Variants in NUP98 observed in about 807,000 individuals in gnomAD.
NUP98 encodes nucleoporin 98 and 96 precursor, also known as nuclear pore complex protein Nup98-Nup96.
NUP98 carries 26 observed loss-of-function variants against 191.9 expected under a neutral mutation model. That is an observed-to-expected ratio of 0.14 (90% CI 0.10 to 0.19). The LOEUF (loss-of-function observed/expected upper bound fraction) is 0.19. Among genes scored for constraint, NUP98 ranks in the 10% least tolerant of loss-of-function variants. The probability of loss-of-function intolerance (pLI) is 1.00; values close to 1 mark genes in which losing one functional copy is unlikely to be tolerated. For synonymous variants in NUP98, 808 were observed against 778.4 expected (o/e 1.04, Z -0.63); for missense variants, 1,941 against 2,178.8 (o/e 0.89, Z 2.17).
chr11:3,732,893 C>T (rs780211592), intron 13 of NUP98, among the ~76,000 whole-genome samples: 1 of 152,206 alleles, frequency 6.6e-6, no homozygotes, highest in Non-Finnish European at 1.5e-5. Flanking sequence ...TGATCTTTCA[C>T]AATTCTTTGG....
chr11:3,712,817 AAAAG>A (rs2079060472), intron 19 of NUP98, 89 bp from the exon 20 acceptor site: 15 of 1,308,904 alleles, frequency 1.1e-5, no homozygotes, highest in Admixed American at 6.8e-5. Flanking sequence ...ACCTTAAGAA[AAAAG>A]AAAGAAAAGG....
At chr11:3,726,559 C>T (rs1589817841) in intron 14 of NUP98, among the ~76,000 whole-genome samples, 1 of 144,738 alleles carries the variant, frequency 6.9e-6, no homozygotes, top group South Asian at 2.2e-4. Context: ...TATTTTTAAA[C>T]AACTTTATGC....
intron 13 of NUP98, 82 bp downstream of exon 13, chr11:3,735,108 AT>A (rs993578504): frequency 1.4e-5 from 18 of 1,310,980 alleles, no homozygotes; most frequent in Middle Eastern, 2.8e-4. Flanking sequence ...ATCCCTTAAT[AT>A]ATACAGGCAA....
At chr11:3,702,313 ACTCTCTCTCTCTCTCTCTCTCT>A (rs71041375) in intron 23 of NUP98, 128 bp downstream of exon 23, 17,140 of 339,662 alleles carry the variant, frequency 0.05, 238 homozygotes, top group Middle Eastern at 0.081. Flanking sequence ...ACACACACAC[ACTCTCTCTCTCTCTCTCTCTCT>A]CTCTCTCTCT....
At position 3,797,010 on chromosome 11, in the gene NUP98, C is replaced by T. The variant is rs7112155; in HGVS notation, c.-29+390G>A. The stretch of plus-strand genomic sequence containing the variant: ...TGGAGAAGCCAAGGCAAATAAAGCC[C>T]AGTCCCACATGACGGTCAAGGAAGT... On this transcript the variant is annotated intron_variant, in intron 1 of 32. Coordinates refer to ENST00000324932, the MANE Select transcript of NUP98 (RefSeq NM_016320.5). 6.0e-3 allele frequency among the ~76,000 whole-genome samples: 914 copies of T among 152,372 alleles called. 10 individuals are homozygous for T. Among genetic ancestry groups the T allele is most frequent in the African/African-American group, 0.019 (796 of 41,596 alleles).
intron 14 of NUP98, among the ~76,000 whole-genome samples, chr11:3,730,399 C>T (rs1256515476): frequency 1.3e-5 from 2 of 151,810 alleles, no homozygotes; most frequent in Non-Finnish European, 2.9e-5. Flanking sequence ...CTCTGTCACC[C>T]AGGCTGGAGT....
intron 12 of NUP98, among the ~76,000 whole-genome samples, chr11:3,735,837 GT>G (rs2080033576): frequency 7.3e-6 from 1 of 136,338 alleles, no homozygotes; most frequent in African/African-American, 2.5e-5. Flanking sequence ...CAAATACTGT[GT>G]GTGTGTGTGT....
intron 20 of NUP98, among the ~76,000 whole-genome samples, chr11:3,708,374 C>T (rs759870628): frequency 5.3e-5 from 8 of 152,084 alleles, no homozygotes; most frequent in Non-Finnish European, 1.2e-4. Context: ...GAGATGCTTA[C>T]CTTGAACACT....
chr11:3,721,613 C>T (rs766250234), intron 16 of NUP98, among the ~76,000 whole-genome samples: 6 of 151,914 alleles, frequency 3.9e-5, no homozygotes, highest in Non-Finnish European at 8.8e-5. Context: ...GAAGGAGAAT[C>T]GCTTGAACCT....
intron 11 of NUP98, among the ~76,000 whole-genome samples, chr11:3,748,876 A>T (rs1330662211): frequency 2.0e-5 from 3 of 151,960 alleles, no homozygotes; most frequent in African/African-American, 7.2e-5. Context: ...TGCAAAATTT[A>T]TGTGGTAGAA....
At chr11:3,781,139 T>C (rs10835080) in intron 2 of NUP98, among the ~76,000 whole-genome samples, 24,546 of 128,682 alleles carry the variant, frequency 0.19, 2,193 homozygotes, top group Middle Eastern at 0.24. Flanking sequence ...TGAACCATAA[T>C]AGAGCCAATG....
At chr11:3,683,872 A>C (rs1428330875) in intron 29 of NUP98, among the ~76,000 whole-genome samples, 1 of 151,824 alleles carries the variant, frequency 6.6e-6, no homozygotes, top group African/African-American at 2.4e-5. Context: ...AAGCTTCACT[A>C]AAAAAATCAA....
intron 8 of NUP98, among the ~76,000 whole-genome samples, chr11:3,764,771 G>A (rs1490541599): frequency 6.6e-6 from 1 of 152,154 alleles, no homozygotes; most frequent in Admixed American, 6.6e-5. Context: ...GTAGAGACGG[G>A]GTTTCACCAT....
At chr11:3,695,701 G>A in intron 25 of NUP98, 95 bp from the exon 26 acceptor site, 1 of 895,326 alleles carries the variant, frequency 1.1e-6, no homozygotes, top group Non-Finnish European at 1.6e-6. Flanking sequence ...CCAGCCTTCA[G>A]AAGGGAGGAT....
intron 1 of NUP98, among the ~76,000 whole-genome samples, chr11:3,793,356 C>A (rs1331984196): frequency 2.6e-5 from 4 of 152,038 alleles, no homozygotes. Context: ...GTGGTGCAAT[C>A]TGCGCTCACT....
chr11:3,697,820 T>TAAAAA (rs199874258), intron 25 of NUP98, among the ~76,000 whole-genome samples: 34 of 97,152 alleles, frequency 3.5e-4, no homozygotes, highest in South Asian at 1.1e-3. Context: ...GACTCTGTCT[T>TAAAAA]AAAAAAAAAA....
rs763811373 is a variant in NUP98, at chr11:3,683,458, G to A, written c.4677-17C>T. On this transcript the variant is annotated splice_polypyrimidine_tract_variant and intron_variant, in intron 29 of 32. Transcript: ENST00000324932. ...TCACGTATGCTACAGGGAGAGATAA[G>A]CTAGAATAAATCCCATCCTCATTCA... 6 of 1,613,398 alleles carry A rather than the reference G, an allele frequency of 3.7e-6. No homozygotes were observed. Among genetic ancestry groups the A allele is most frequent in the African/African-American group, 1.3e-5 (1 of 74,880 alleles).
intron 28 of NUP98, among the ~76,000 whole-genome samples, chr11:3,689,270 T>C (rs1289817525): frequency 6.6e-6 from 1 of 152,084 alleles, no homozygotes; most frequent in African/African-American, 2.4e-5. Flanking sequence ...CTCGCGCCTG[T>C]AATCCCAGCA....
chr11:3,737,009 T>C (rs2080090258), intron 12 of NUP98, among the ~76,000 whole-genome samples: 1 of 152,118 alleles, frequency 6.6e-6, no homozygotes, highest in South Asian at 2.1e-4. Context: ...TAAGTAACAA[T>C]GAAGACTATT....
Sources: allele counts gnomAD v4.1 joint callset (sites outside exome capture counted in the v4.1 genomes callset), GRCh38; gene constraint gnomAD v4.1.1; transcripts MANE v1.5; gene names NCBI Gene and HGNC (gene_info 2026-07-23, HGNC 2026-07-21).